Variants in CSMD1 observed in about 807,000 individuals in gnomAD.
CSMD1 encodes the protein CUB and sushi domain-containing protein 1.
In CSMD1, 213 loss-of-function variants were observed where a neutral mutation model predicts 417.5. The observed-to-expected ratio is 0.51, with a 90% CI of 0.46 to 0.57. The LOEUF is 0.57. CSMD1 is among the 20% of genes least tolerant of loss of function. The pLI is 0.00. For missense variants in CSMD1, 6,923 were observed against 4,529.7 expected, an observed-to-expected ratio of 1.53 and a Z score of -15.17; for synonymous variants, 2,862 against 1,736.8, an observed-to-expected ratio of 1.65 and a Z score of -16.11.
chr8:4,040,496 A>G (rs1353137911), intron 3 of CSMD1, among the ~76,000 whole-genome samples: 1 of 151,972 alleles, frequency 6.6e-6, no homozygotes, highest in African/African-American at 2.4e-5. Flanking sequence ...CATGACAAAA[A>G]CTCTTTCATA....
chr8:3,576,748 G>A (rs1400378802), intron 9 of CSMD1, among the ~76,000 whole-genome samples: 1 of 152,122 alleles, frequency 6.6e-6, no homozygotes, highest in South Asian at 2.1e-4. Flanking sequence ...TCTCTAATGA[G>A]TCTGTTTTAA....
chr8:4,991,605 C>T (rs970599969), intron 1 of CSMD1, among the ~76,000 whole-genome samples: 3 of 152,166 alleles, frequency 2.0e-5, no homozygotes, highest in African/African-American at 7.2e-5. Context: ...CCGGAGCGCT[C>T]CTCCCCGGGA....
At chr8:3,865,695 C>A (rs916362920) in intron 5 of CSMD1, among the ~76,000 whole-genome samples, 1 of 152,090 alleles carries the variant, frequency 6.6e-6, no homozygotes. Context: ...TAGGTTCCAA[C>A]GGAGCAGTAA....
chr8:3,917,917 TG>T (rs566311142), intron 5 of CSMD1, among the ~76,000 whole-genome samples: 130 of 152,302 alleles, frequency 8.5e-4, no homozygotes, highest in African/African-American at 2.9e-3. Flanking sequence ...GTTCTCAGTG[TG>T]TTTTTTAAGC....
At chr8:3,785,964 C>G (rs1402425460) in intron 5 of CSMD1, among the ~76,000 whole-genome samples, 1 of 152,184 alleles carries the variant, frequency 6.6e-6, no homozygotes, top group Non-Finnish European at 1.5e-5. Flanking sequence ...GTTAGAAGCT[C>G]TGCAGTTTTC....
intron 7 of CSMD1, among the ~76,000 whole-genome samples, chr8:3,639,710 C>G (rs914266895): frequency 6.6e-6 from 1 of 152,178 alleles, no homozygotes; most frequent in Non-Finnish European, 1.5e-5. Context: ...ACATCAACAT[C>G]TTTGATTTCT....
intron 1 of CSMD1, among the ~76,000 whole-genome samples, chr8:4,651,168 A>T (rs568528143): frequency 6.6e-6 from 1 of 152,320 alleles, no homozygotes; most frequent in South Asian, 2.1e-4. Flanking sequence ...AAAAAAAATC[A>T]AATTATTGTA....
intron 48 of CSMD1, among the ~76,000 whole-genome samples, chr8:3,089,664 G>A (rs1030070822): frequency 5.9e-5 from 9 of 152,238 alleles, no homozygotes; most frequent in South Asian, 2.1e-4. Context: ...AGAGATCACT[G>A]AGTCATCAAT....
chr8:4,131,389 T>G (rs1377016966), intron 3 of CSMD1, among the ~76,000 whole-genome samples: 1 of 152,156 alleles, frequency 6.6e-6, no homozygotes, highest in African/African-American at 2.4e-5. Context: ...TCACATCCCT[T>G]AAGCCTTCCT....
intron 2 of CSMD1, among the ~76,000 whole-genome samples, chr8:4,484,539 C>T (rs890624726): frequency 6.6e-6 from 1 of 152,100 alleles, no homozygotes. Flanking sequence ...CAACACCCCA[C>T]ACTCAGAGTC....
rs575057385 is a variant in CSMD1, at chr8:4,898,458, G to T, written c.85+95874C>A. On this transcript the variant is annotated intron_variant, in intron 1 of 69. Transcript: ENST00000635120. ...GAAGGACCGCATGGGTGTAGAAAGT[G>T]TAAGTGAGAGCCGACCAAAATCCAA... Among the ~76,000 whole-genome samples the T allele has an allele frequency of 2.0e-5, 3 of 151,452 alleles. 1 individual carries two copies. Among genetic ancestry groups the T allele is most frequent in the African/African-American group, 7.4e-5 (3 of 40,752 alleles).
At chr8:3,281,605 A>G (rs1293491185) in intron 26 of CSMD1, among the ~76,000 whole-genome samples, 1 of 152,122 alleles carries the variant, frequency 6.6e-6, no homozygotes, top group Non-Finnish European at 1.5e-5. Context: ...GCGTGATTCT[A>G]ACTCTGTGAC....
chr8:4,408,173 C>G (rs894753019), intron 3 of CSMD1, among the ~76,000 whole-genome samples: 4 of 152,220 alleles, frequency 2.6e-5, no homozygotes, highest in African/African-American at 7.2e-5. Context: ...AAAGCTTAGT[C>G]AGATGTATAC....
At chr8:4,486,690 C>G (rs1426139218) in intron 2 of CSMD1, among the ~76,000 whole-genome samples, 1 of 151,858 alleles carries the variant, frequency 6.6e-6, no homozygotes, top group Non-Finnish European at 1.5e-5. Flanking sequence ...TTGAATTAAG[C>G]AAAAGTGAAA....
At chr8:4,873,384 G>T (rs1216435209) in intron 1 of CSMD1, among the ~76,000 whole-genome samples, 2 of 152,118 alleles carry the variant, frequency 1.3e-5, no homozygotes, top group Admixed American at 6.5e-5. Flanking sequence ...CGATAGAGGA[G>T]AGACTCCCGG....
At chr8:4,194,796 C>A (rs749726245) in intron 3 of CSMD1, among the ~76,000 whole-genome samples, 4 of 151,928 alleles carry the variant, frequency 2.6e-5, no homozygotes, top group African/African-American at 7.3e-5. Flanking sequence ...TCATGAGACT[C>A]TTTGGTCACT....
At chr8:3,691,420 CTG>C (rs1800238799) in intron 7 of CSMD1, among the ~76,000 whole-genome samples, 1 of 151,862 alleles carries the variant, frequency 6.6e-6, no homozygotes, top group South Asian at 2.1e-4. Flanking sequence ...AAACAAAAAA[CTG>C]TGTCAATGAA....
At position 2,973,239 on chromosome 8, in the gene CSMD1, T is replaced by C. The variant is rs1369557830; in HGVS notation, c.8801A>G (p.Asp2934Gly). The C allele has an allele frequency of 2.5e-6, 4 of 1,613,910 alleles. No individual in the cohort carries two copies. The highest frequency in any genetic ancestry group is 3.4e-6 in the Non-Finnish European group (4 of 1,179,856). The change falls in exon 57 of 70, where the codon GAT becomes GGT. Residue 2934 changes from aspartate to glycine, a missense_variant. Transcript: ENST00000635120. Reference sequence around the variant, plus strand: ...GAGAAGACTCTTTGTCTTAAAGTCATCACCAAGCCGAGACCCATGTGCTGG... The same window carrying C: ...GAGAAGACTCTTTGTCTTAAAGTCACCACCAAGCCGAGACCCATGTGCTGG... ...GTPAHGSRLG[D>G]DFKTKSLLRF...
chr8:4,193,468 G>A (rs922986870), intron 3 of CSMD1, among the ~76,000 whole-genome samples: 3 of 152,238 alleles, frequency 2.0e-5, no homozygotes, highest in Non-Finnish European at 4.4e-5. Flanking sequence ...TCCCTGGATG[G>A]AATGATGGAC....
Sources: gnomAD v4.1 joint callset for allele counts (sites outside exome capture counted in the v4.1 genomes callset) on GRCh38, gnomAD v4.1.1 for gene constraint, MANE v1.5 for transcripts, NCBI Gene and HGNC (gene_info 2026-07-23, HGNC 2026-07-21) for gene names.